Variants in NFIC observed in about 807,000 individuals in gnomAD.
The protein encoded by NFIC is nuclear factor 1 C-type.
In NFIC, 12 loss-of-function variants were observed where a neutral mutation model predicts 54.4. That is an observed-to-expected ratio of 0.22 (90% CI 0.14 to 0.36). The LOEUF is 0.36. NFIC is among the 10% of genes least tolerant of loss of function. The probability of loss-of-function intolerance (pLI) is 1.00; values close to 1 mark genes in which losing one functional copy is unlikely to be tolerated. For synonymous variants in NFIC, 322 were observed against 319.2 expected (o/e 1.01, Z -0.09); for missense variants, 575 against 718.2 (o/e 0.80, Z 2.28).
chr19:3,391,991 G>C (rs368966867), intron 2 of NFIC, among the ~76,000 whole-genome samples: 1 of 151,440 alleles, frequency 6.6e-6, no homozygotes, highest in Non-Finnish European at 1.5e-5. Context: ...TGAGTTTCTT[G>C]CCAGCTCTGT....
intron 1 of NFIC, among the ~76,000 whole-genome samples, chr19:3,374,388 G>A (rs1194616932): frequency 1.3e-5 from 2 of 152,158 alleles, no homozygotes; most frequent in Non-Finnish European, 2.9e-5. Flanking sequence ...AGGTCACCAG[G>A]CAAGCTCCCC....
Position 3,368,014 on chromosome 19 carries a change from T to G in NFIC, c.30+1348T>G, listed in dbSNP as rs550354124. Among the ~76,000 whole-genome samples, 5 of 152,218 alleles carry G rather than the reference T, an allele frequency of 3.3e-5. No individual in the cohort carries two copies. The East Asian group carries it at 9.7e-4, about 29-fold the overall frequency. ...TCTGTCCTACCTGTGATCCCCTGAGTGACCTTGGGTAAGTCCCTGTCCCAG... is the reference window on the plus strand; with the variant it reads ...TCTGTCCTACCTGTGATCCCCTGAGGGACCTTGGGTAAGTCCCTGTCCCAG... On this transcript the variant is annotated intron_variant, in intron 1 of 10. Transcript: ENST00000443272.
intron 6 of NFIC, among the ~76,000 whole-genome samples, chr19:3,441,094 G>A (rs1266818488): frequency 1.3e-5 from 2 of 151,564 alleles, no homozygotes; most frequent in Admixed American, 1.3e-4. Flanking sequence ...GCAGGTGTGA[G>A]CCACCACACC....
chr19:3,454,580 C>G (rs1440248611), intron 9 of NFIC, among the ~76,000 whole-genome samples: 7 of 151,998 alleles, frequency 4.6e-5, no homozygotes, highest in Admixed American at 2.0e-4. Context: ...GTCCTGAGGT[C>G]CACCCCATTC....
At chr19:3,359,766 C>G in intron 1 of NFIC, 1 of 1,323,530 alleles carries the variant, frequency 7.6e-7, no homozygotes, top group South Asian at 1.8e-5. Flanking sequence ...GTTGCAAGAT[C>G]TGGGGGGACA....
chr19:3,395,492 ATTTTT>A (rs530190180), intron 2 of NFIC, among the ~76,000 whole-genome samples: 1 of 130,862 alleles, frequency 7.6e-6, no homozygotes, highest in African/African-American at 2.9e-5. Flanking sequence ...ACCATGGTTG[ATTTTT>A]TTTTTTTTTT....
intron 10 of NFIC, chr19:3,456,935 T>G: frequency 8.9e-6 from 4 of 449,396 alleles, no homozygotes; most frequent in African/African-American, 2.0e-5. Context: ...TACCACCTGC[T>G]TCCCATGGTA....
At chr19:3,386,984 C>T (rs958785904) in intron 2 of NFIC, among the ~76,000 whole-genome samples, 1 of 152,192 alleles carries the variant, frequency 6.6e-6, no homozygotes, top group Admixed American at 6.5e-5. Flanking sequence ...CTTCCTTTTC[C>T]GAACCGAGAG....
Position 3,463,646 on chromosome 19 carries a change from AG to A in NFIC, c.*879del. 1.5e-6 allele frequency: 1 copy of A among 669,956 alleles called. No homozygotes were observed. Among genetic ancestry groups the A allele is most frequent in the Non-Finnish European group, 1.7e-6 (1 of 574,198 alleles). 41.5% of individuals were successfully genotyped at this position (669,956 alleles called of 1,614,324 possible). A position where few individuals can be genotyped will look rare whatever the true frequency, so the allele number is the denominator to read the frequency against. ...CCCCTCCACCCCCCACCCCCGGCAT[AG>A]GAGGCCCCCCCACCTCGCCCGGCTC... On this transcript the variant is annotated 3_prime_UTR_variant, in exon 11 of 11. Transcript: ENST00000443272.
Position 3,466,648 on chromosome 19 carries a change from T to C in NFIC, c.*3879T>C, listed in dbSNP as rs1202913582. 2 of 151,520 alleles carry C rather than the reference T, an allele frequency of 1.3e-5. No homozygotes were observed. The highest frequency in any genetic ancestry group is 2.9e-5 in the Non-Finnish European group (2 of 67,934). The allele number at this position is 151,520 out of a possible 1,614,324, so 9.4% of individuals were successfully genotyped here. On this transcript the variant is annotated 3_prime_UTR_variant, in exon 11 of 11. Transcript: ENST00000443272. This position sits in a 1 kb window ranked among gnomAD's most constrained non-coding sequence, Gnocchi z 4.8. ...TGGCTGTGCACAGCATTCATGTAGC[T>C]GATTTCTAGCTTTTTTTTTTTTTCT...
At chr19:3,439,910 G>T (rs1331353460) in intron 6 of NFIC, among the ~76,000 whole-genome samples, 1 of 151,726 alleles carries the variant, frequency 6.6e-6, no homozygotes, top group Non-Finnish European at 1.5e-5. Flanking sequence ...GGATGGTCTC[G>T]ATCTCCTGAC....
chr19:3,409,902 G>T (rs1348364560), intron 2 of NFIC, among the ~76,000 whole-genome samples: 1 of 152,226 alleles, frequency 6.6e-6, no homozygotes, highest in East Asian at 1.9e-4. Context: ...CCAGATGAGG[G>T]TATCATTTGA....
intron 6 of NFIC, among the ~76,000 whole-genome samples, chr19:3,440,806 C>G (rs1166951147): frequency 6.6e-6 from 1 of 152,170 alleles, no homozygotes; most frequent in Non-Finnish European, 1.5e-5. Flanking sequence ...CAGGCGTGAG[C>G]CACTGCGCCT....
rs1431414465 is a variant in NFIC at position 3,465,422 on chromosome 19, T to G, written c.*2653T>G. 4 of 69,902 alleles carry G rather than the reference T, an allele frequency of 5.7e-5. No homozygotes were observed. The highest frequency in any genetic ancestry group is 1.5e-4 in the Admixed American group (1 of 6,896). The allele number at this position is 69,902 out of a possible 1,614,324, so 4.3% of individuals were successfully genotyped here. ...AAAAATAAAATAAAAAATAAGAAAG[T>G]GAGAATCTAAAAAAAAAAAAAAAAA... On this transcript the variant is annotated 3_prime_UTR_variant, in exon 11 of 11. Transcript: ENST00000443272.
rs1263332272 is a variant in NFIC, at chr19:3,453,226, G to A, written c.1270-537G>A. On this transcript the variant is annotated intron_variant, in intron 8 of 10. Transcript: ENST00000443272. This position sits in a 1 kb window ranked among gnomAD's most constrained non-coding sequence, Gnocchi z 6.7. ...TGCACCCCAGCCTGGGTGACAGAAC[G>A]AGACCCTGTCTCAAAAAGAAAAAAA... is the stretch of plus-strand genomic sequence containing the variant. 6.6e-6 allele frequency among the ~76,000 whole-genome samples: 1 copy of A among 152,130 alleles called. No homozygotes were observed. Among genetic ancestry groups the A allele is most frequent in the Non-Finnish European group, 1.5e-5 (1 of 68,022 alleles).
chr19:3,368,913 C>CTGTGTGTGTGTGTGTGTG lies in NFIC; in HGVS notation c.30+2265_30+2282dup, dbSNP rs59920512. On this transcript the variant is annotated intron_variant, in intron 1 of 10. Transcript: ENST00000443272. ...TCTTTCTCTCTGTCTTGCTCTGACTCTGTGTGTGTGTGTGTGTGTGTGTGT... is the reference window on the plus strand; with the variant it reads ...TCTTTCTCTCTGTCTTGCTCTGACTCTGTGTGTGTGTGTGTGTGTGTGTGTGTGTGTGTGTGTGTGTGT... Among the ~76,000 whole-genome samples, 380 of 147,046 alleles carry CTGTGTGTGTGTGTGTGTG rather than the reference C, an allele frequency of 2.6e-3. 1 individual carries two copies. Among genetic ancestry groups the CTGTGTGTGTGTGTGTGTG allele is most frequent in the African/African-American group, 9.2e-3 (360 of 39,140 alleles).
chr19:3,464,543 C>T lies in NFIC; in HGVS notation c.*1774C>T. The T allele has an allele frequency of 2.1e-6, 2 of 971,314 alleles. No homozygotes were observed. Among genetic ancestry groups the T allele is most frequent in the Non-Finnish European group, 2.4e-6 (2 of 818,814 alleles). 60.2% of individuals were successfully genotyped at this position (971,314 alleles called of 1,614,324 possible). ...CCTCCCCGGCCCACCCAGCCCAGCC[C>T]CAACTGACCTCCATGCCTAGGGAAA... is the stretch of plus-strand genomic sequence containing the variant. On this transcript the variant is annotated 3_prime_UTR_variant, in exon 11 of 11. Coordinates refer to ENST00000443272, the MANE Select transcript of NFIC (RefSeq NM_001245002.2).
chr19:3,369,550 G>C lies in NFIC; in HGVS notation c.30+2884G>C, dbSNP rs1286988907. Among the ~76,000 whole-genome samples the C allele has an allele frequency of 1.3e-5, 2 of 152,156 alleles. No homozygotes were observed. The highest frequency in any genetic ancestry group is 4.8e-5 in the African/African-American group (2 of 41,438). On this transcript the variant is annotated intron_variant, in intron 1 of 10. Coordinates refer to ENST00000443272, the MANE Select transcript of NFIC (RefSeq NM_001245002.2). This position sits in a 1 kb window ranked among gnomAD's most constrained non-coding sequence, Gnocchi z 4.3. The stretch of plus-strand genomic sequence containing the variant: ...GCATCTCGGTGCCAGCCCGCTCTGT[G>C]CCACCCGGGCCCGGCCCGCCGAGTG...
At chr19:3,425,567 C>T (rs1378513322) in intron 3 of NFIC, among the ~76,000 whole-genome samples, 2 of 152,156 alleles carry the variant, frequency 1.3e-5, no homozygotes, top group Non-Finnish European at 2.9e-5. Flanking sequence ...TCAAGTGATT[C>T]TCCTGCCTCA....
Sources: allele counts gnomAD v4.1 joint callset (sites outside exome capture counted in the v4.1 genomes callset), GRCh38; gene constraint gnomAD v4.1.1; non-coding constraint Gnocchi (gnomAD v3.1); transcripts MANE v1.5; gene names NCBI Gene and HGNC (gene_info 2026-07-23, HGNC 2026-07-21).